The following VCF1 variants were observed in gnomAD, a reference collection of about 807,000 sequenced individuals.
The protein encoded by VCF1 is VCP nuclear cofactor family member 1, also known as protein VCF1.
the VCF1 span, among the ~76,000 whole-genome samples, chr17:73,220,171 A>T: frequency 6.6e-6 from 1 of 152,132 alleles, no homozygotes; most frequent in Non-Finnish European, 1.5e-5. Flanking sequence ...AATAACATTT[A>T]AAAAAATTAT....
the VCF1 span, among the ~76,000 whole-genome samples, chr17:73,220,297 A>T: frequency 2.0e-5 from 3 of 152,188 alleles, no homozygotes; most frequent in Admixed American, 1.3e-4. Context: ...CTTTATGATA[A>T]ATGGATCCCC....
the VCF1 span, chr17:73,209,719 A>ATGCTGC: frequency 2.8e-5 from 42 of 1,474,394 alleles, no homozygotes; most frequent in Non-Finnish European, 3.5e-5. Context: ...CGGGCTATTG[A>ATGCTGC]TGCTGCTGCT....
chr17:73,232,089 G>A, the VCF1 span: 41 of 1,605,270 alleles, frequency 2.6e-5, no homozygotes, highest in African/African-American at 4.8e-4. Flanking sequence ...CTCTCACCTG[G>A]GACGGAGGCG....
the VCF1 span, among the ~76,000 whole-genome samples, chr17:73,218,536 G>C: frequency 2.0e-5 from 3 of 152,190 alleles, no homozygotes; most frequent in African/African-American, 7.2e-5. Flanking sequence ...AGTAGAAAAA[G>C]ATGTGTATGT....
the VCF1 span, chr17:73,229,402 A>G: frequency 1.0e-6 from 1 of 985,362 alleles, no homozygotes. Flanking sequence ...AGACCAGGTT[A>G]TGATTTTAGC....
At chr17:73,208,419 A>C in the VCF1 span, 1 of 1,614,210 alleles carries the variant, frequency 6.2e-7, no homozygotes, top group Admixed American at 1.7e-5. Flanking sequence ...TTCATTATTC[A>C]AACTTGGCTG....
chr17:73,220,118 A>G, the VCF1 span, among the ~76,000 whole-genome samples: 1 of 152,218 alleles, frequency 6.6e-6, no homozygotes, highest in Non-Finnish European at 1.5e-5. Context: ...CTACAACTCT[A>G]AGACGGATTA....
the VCF1 span, among the ~76,000 whole-genome samples, chr17:73,219,416 G>A: frequency 2.0e-5 from 3 of 151,564 alleles, no homozygotes; most frequent in East Asian, 1.9e-4. Context: ...TCTGGAGGCC[G>A]AGGTGGGTGG....
chr17:73,214,040 A>C, the VCF1 span, among the ~76,000 whole-genome samples: 1 of 152,338 alleles, frequency 6.6e-6, no homozygotes, highest in Admixed American at 6.5e-5. Flanking sequence ...CAAAATGGAG[A>C]CTGAAAAGTA....
the VCF1 span, among the ~76,000 whole-genome samples, chr17:73,221,067 T>A: frequency 6.6e-6 from 1 of 150,756 alleles, no homozygotes; most frequent in Non-Finnish European, 1.5e-5. Context: ...CCCGGTTAAT[T>A]TTTGTATTTT....
At chr17:73,229,284 G>GA in the VCF1 span, 4 of 985,240 alleles carry the variant, frequency 4.1e-6, no homozygotes, top group South Asian at 1.9e-4. Context: ...TCTCATCCTT[G>GA]AAACATTCTT....
the VCF1 span, among the ~76,000 whole-genome samples, chr17:73,221,429 A>T: frequency 6.6e-6 from 1 of 150,412 alleles, no homozygotes; most frequent in Non-Finnish European, 1.5e-5. Flanking sequence ...TAAAAAAAAA[A>T]TTTAAGTTAA....
At chr17:73,226,151 T>A in the VCF1 span, among the ~76,000 whole-genome samples, 1 of 152,054 alleles carries the variant, frequency 6.6e-6, no homozygotes, top group Admixed American at 6.6e-5. Context: ...TCTGCCCACC[T>A]TGGCCTACCA....
the VCF1 span, among the ~76,000 whole-genome samples, chr17:73,210,177 G>A: frequency 6.6e-6 from 1 of 152,192 alleles, no homozygotes; most frequent in Non-Finnish European, 1.5e-5. Context: ...TTGGGACAGA[G>A]TATAAAAAAG....
At chr17:73,208,860 A>C in the VCF1 span, 609 of 322,168 alleles carry the variant, frequency 1.9e-3, 2 homozygotes, top group African/African-American at 0.013. Context: ...GTGACACAGA[A>C]GTTATCTGGG....
At chr17:73,225,019 G>C in the VCF1 span, among the ~76,000 whole-genome samples, 1 of 150,798 alleles carries the variant, frequency 6.6e-6, no homozygotes, top group African/African-American at 2.5e-5. Context: ...GCATAGGATA[G>C]GACAGGACAG....
chr17:73,209,719 A>ATGCTGCTGCTGC, the VCF1 span: 1 of 1,474,426 alleles, frequency 6.8e-7, no homozygotes, highest in Non-Finnish European at 9.2e-7. Flanking sequence ...CGGGCTATTG[A>ATGCTGCTGCTGC]TGCTGCTGCT....
At chr17:73,224,807 C>A in the VCF1 span, among the ~76,000 whole-genome samples, 3 of 152,230 alleles carry the variant, frequency 2.0e-5, no homozygotes, top group Non-Finnish European at 2.9e-5. Context: ...AATACCACTG[C>A]CAGGAAGCAC....
the VCF1 span, among the ~76,000 whole-genome samples, chr17:73,222,865 A>G: frequency 1.3e-5 from 2 of 152,004 alleles, no homozygotes; most frequent in Non-Finnish European, 2.9e-5. Flanking sequence ...CCTCTGTTCT[A>G]TCTTCTGGGA....
Sources: allele counts gnomAD v4.1 joint callset (sites outside exome capture counted in the v4.1 genomes callset), GRCh38; gene constraint gnomAD v4.1.1; transcripts MANE v1.5; gene names NCBI Gene and HGNC (gene_info 2026-07-23, HGNC 2026-07-21).